The following SLC39A11 variants were observed in gnomAD, a reference collection of about 807,000 sequenced individuals.
SLC39A11 encodes the protein solute carrier family 39 member 11.
In SLC39A11, 33 loss-of-function variants were observed where a neutral mutation model predicts 36.1. That is an observed-to-expected ratio of 0.91 (90% confidence interval 0.69 to 1.22). SLC39A11 has a LOEUF of 1.22. Among genes scored for constraint, SLC39A11 ranks in the 50% most tolerant of loss-of-function variants. The probability of loss-of-function intolerance (pLI) is 0.00; values close to 1 mark genes in which losing one functional copy is unlikely to be tolerated. For missense variants in SLC39A11, 432 were observed against 430.3 expected, an observed-to-expected ratio of 1.00 and a Z score of -0.03; for synonymous variants, 166 against 170.3, an observed-to-expected ratio of 0.97 and a Z score of 0.20.
At chr17:72,694,312 C>T (rs574771540) in intron 7 of SLC39A11, among the ~76,000 whole-genome samples, 35 of 152,340 alleles carry the variant, frequency 2.3e-4, no homozygotes, top group African/African-American at 8.4e-4. Flanking sequence ...ATTCTGAGCT[C>T]ATGTGATTTT....
chr17:72,897,932 G>A (rs1369798608), intron 5 of SLC39A11, among the ~76,000 whole-genome samples: 1 of 151,984 alleles, frequency 6.6e-6, no homozygotes, highest in East Asian at 1.9e-4. Flanking sequence ...TGGAGGAAGG[G>A]GTAAAAGCAA....
chr17:73,070,467 CA>C (rs1487360039), intron 3 of SLC39A11, among the ~76,000 whole-genome samples: 2 of 152,186 alleles, frequency 1.3e-5, no homozygotes, highest in East Asian at 3.9e-4. Context: ...AGCATTAACT[CA>C]GTTGAATTCT....
intron 6 of SLC39A11, among the ~76,000 whole-genome samples, chr17:72,744,412 A>C (rs2144174654): frequency 6.6e-6 from 1 of 152,312 alleles, no homozygotes; most frequent in African/African-American, 2.4e-5. Context: ...TCTCCCAATG[A>C]GGGACACTTA....
chr17:72,695,422 C>A (rs534010999), intron 7 of SLC39A11, among the ~76,000 whole-genome samples: 3 of 152,194 alleles, frequency 2.0e-5, no homozygotes, highest in East Asian at 1.9e-4. Context: ...GGGCGCTGCA[C>A]CCCCTGGGTG....
At chr17:72,875,037 C>T (rs977140173) in intron 5 of SLC39A11, among the ~76,000 whole-genome samples, 2 of 152,088 alleles carry the variant, frequency 1.3e-5, no homozygotes, top group Admixed American at 6.5e-5. Flanking sequence ...AAATATATCT[C>T]AAACACAGCA....
At chr17:72,694,079 G>A (rs1333737864) in intron 7 of SLC39A11, among the ~76,000 whole-genome samples, 1 of 152,202 alleles carries the variant, frequency 6.6e-6, no homozygotes, top group African/African-American at 2.4e-5. Flanking sequence ...AGAAGAGGAG[G>A]AAGATAGAGG....
intron 7 of SLC39A11, among the ~76,000 whole-genome samples, chr17:72,719,640 C>T (rs1048197197): frequency 1.3e-5 from 2 of 152,292 alleles, no homozygotes; most frequent in South Asian, 2.1e-4. Context: ...AAGAAGTGTG[C>T]GTCATCTCCA....
chr17:72,882,148 T>G (rs2081223225), intron 5 of SLC39A11, among the ~76,000 whole-genome samples: 1 of 151,602 alleles, frequency 6.6e-6, no homozygotes, highest in Admixed American at 6.6e-5. Context: ...AGGTCAAGAG[T>G]TCAAGACCAG....
intron 4 of SLC39A11, among the ~76,000 whole-genome samples, chr17:73,012,863 A>G (rs1189514874): frequency 6.6e-6 from 1 of 151,970 alleles, no homozygotes; most frequent in Non-Finnish European, 1.5e-5. Context: ...CAGTGGCACA[A>G]TCTTGGCTCA....
At chr17:72,735,303 G>T (rs533049605) in intron 7 of SLC39A11, among the ~76,000 whole-genome samples, 1 of 152,268 alleles carries the variant, frequency 6.6e-6, no homozygotes, top group Non-Finnish European at 1.5e-5. Flanking sequence ...ATTTCAGCTG[G>T]GGAAACAGAT....
At position 72,830,188 on chromosome 17, in the gene SLC39A11, A is replaced by G. The variant is rs12946676; in HGVS notation, c.601+19446T>C. On this transcript the variant is annotated intron_variant, in intron 6 of 9. Coordinates refer to ENST00000255559, the MANE Select transcript of SLC39A11 (RefSeq NM_139177.4). ...GCTACCACTGATAAATGAAAAATTT[A>G]AACTCCCCACTGGGAAGGAGCATTT... is the stretch of plus-strand genomic sequence containing the variant. Among the ~76,000 whole-genome samples the G allele has an allele frequency of 5.9e-3, 903 of 152,330 alleles. 4 individuals are homozygous for G. The highest frequency in any genetic ancestry group is 0.027 in the Middle Eastern group (8 of 292).
intron 5 of SLC39A11, among the ~76,000 whole-genome samples, chr17:72,865,541 C>A (rs1463725866): frequency 6.6e-6 from 1 of 151,598 alleles, no homozygotes; most frequent in African/African-American, 2.4e-5. Context: ...GGTAACGAGG[C>A]TCTCAAAGGA....
At chr17:72,701,741 A>AAAG (rs1555642043) in intron 7 of SLC39A11, among the ~76,000 whole-genome samples, 2 of 150,582 alleles carry the variant, frequency 1.3e-5, no homozygotes, top group African/African-American at 2.5e-5. Context: ...AAAAAAAAAA[A>AAAG]AAAAAGAAAA....
At chr17:72,941,082 G>A (rs1216652655) in intron 5 of SLC39A11, among the ~76,000 whole-genome samples, 1 of 151,822 alleles carries the variant, frequency 6.6e-6, no homozygotes, top group African/African-American at 2.4e-5. Flanking sequence ...GACCAGCCTG[G>A]GCAACACGGC....
At chr17:72,836,121 TG>T (rs2078532920) in intron 6 of SLC39A11, among the ~76,000 whole-genome samples, 1 of 152,216 alleles carries the variant, frequency 6.6e-6, no homozygotes, top group African/African-American at 2.4e-5. Flanking sequence ...CTGAGCCCGA[TG>T]CATCTGGAGT....
intron 7 of SLC39A11, among the ~76,000 whole-genome samples, chr17:72,683,405 G>A (rs546501775): frequency 9.4e-5 from 14 of 149,130 alleles, no homozygotes; most frequent in East Asian, 2.0e-4. Flanking sequence ...GCACAGTCAC[G>A]GCTCACTGCA....
chr17:72,921,232 C>T (rs2083652003), intron 5 of SLC39A11, among the ~76,000 whole-genome samples: 1 of 152,144 alleles, frequency 6.6e-6, no homozygotes, highest in African/African-American at 2.4e-5. Flanking sequence ...CTATGCTTCA[C>T]GAGAACCTGC....
intron 5 of SLC39A11, among the ~76,000 whole-genome samples, chr17:72,914,646 C>G (rs965055319): frequency 6.6e-6 from 1 of 151,994 alleles, no homozygotes; most frequent in African/African-American, 2.4e-5. Context: ...TTTGGGAGGT[C>G]GAGGTGGGCA....
At chr17:72,957,544 C>T (rs1488498971) in intron 4 of SLC39A11, among the ~76,000 whole-genome samples, 2 of 152,186 alleles carry the variant, frequency 1.3e-5, no homozygotes, top group Non-Finnish European at 1.5e-5. Flanking sequence ...TTCGGCCAGG[C>T]GCCGCAGCTC....
Sources: allele counts gnomAD v4.1 joint callset (sites outside exome capture counted in the v4.1 genomes callset), GRCh38; gene constraint gnomAD v4.1.1; transcripts MANE v1.5; gene names NCBI Gene and HGNC (gene_info 2026-07-23, HGNC 2026-07-21).